Variants in NCAM2 observed in about 807,000 individuals in gnomAD.
NCAM2 encodes neural cell adhesion molecule 2.
Under a neutral mutation model 98.1 loss-of-function variants are expected in NCAM2, and 30 were observed. The ratio of observed to expected loss-of-function variants is 0.31; its 90% CI spans 0.23 to 0.41. The LOEUF is 0.41. Ranked by LOEUF, NCAM2 falls within the 10% of genes least tolerant of loss-of-function variation. The probability of loss-of-function intolerance (pLI) is 1.00; values close to 1 mark genes in which losing one functional copy is unlikely to be tolerated. For synonymous variants in NCAM2, 368 were observed against 342.4 expected, an observed-to-expected ratio of 1.07 and a Z score of -0.83; for missense variants, 867 against 1,005.8, an observed-to-expected ratio of 0.86 and a Z score of 1.87.
chr21:21,441,409 T>TA (rs771953481), intron 12 of NCAM2, among the ~76,000 whole-genome samples: 6 of 152,206 alleles, frequency 3.9e-5, no homozygotes, highest in Non-Finnish European at 8.8e-5. Context: ...AATATACATT[T>TA]AAAAAATCTA....
intron 2 of NCAM2, among the ~76,000 whole-genome samples, chr21:21,283,532 A>T (rs1482552330): frequency 6.6e-6 from 1 of 151,928 alleles, no homozygotes; most frequent in East Asian, 1.9e-4. Flanking sequence ...ATGCATTGAA[A>T]TTATCATATG....
chr21:21,157,536 A>G (rs1334897305), intron 1 of NCAM2, among the ~76,000 whole-genome samples: 2 of 152,194 alleles, frequency 1.3e-5, no homozygotes, highest in African/African-American at 4.8e-5. Flanking sequence ...AAGTAATCAT[A>G]TATCATCATC....
intron 1 of NCAM2, among the ~76,000 whole-genome samples, chr21:21,001,437 C>T (rs1245245598): frequency 6.6e-6 from 1 of 152,158 alleles, no homozygotes; most frequent in Admixed American, 6.5e-5. Flanking sequence ...AATTCTGTAA[C>T]TTTTGCAATT....
intron 9 of NCAM2, among the ~76,000 whole-genome samples, chr21:21,405,547 G>A (rs1822656): frequency 6.6e-6 from 1 of 152,100 alleles, no homozygotes; most frequent in African/African-American, 2.4e-5. Context: ...GAAGACGTTA[G>A]TAAGTATACT....
chr21:21,485,999 A>G (rs1986317265), intron 15 of NCAM2, among the ~76,000 whole-genome samples: 2 of 151,978 alleles, frequency 1.3e-5, no homozygotes, highest in Non-Finnish European at 2.9e-5. Flanking sequence ...CAACCCATCA[A>G]CCGATAAAAC....
At chr21:21,289,461 C>T (rs1300632019) in intron 4 of NCAM2, among the ~76,000 whole-genome samples, 2 of 151,726 alleles carry the variant, frequency 1.3e-5, no homozygotes, top group Admixed American at 6.6e-5. Context: ...AGATGCCTGC[C>T]AGGAGGAAAA....
intron 1 of NCAM2, chr21:21,147,074 G>GGCTGCCTTCTACTCCGGAACTC (rs1569074791): frequency 1.3e-6 from 1 of 784,978 alleles, no homozygotes; most frequent in Non-Finnish European, 1.5e-6. Context: ...CTCCGGAACT[G>GGCTGCCTTCTACTCCGGAACTC]ATACCCTTTG....
At chr21:21,382,989 C>G (rs772849931) in intron 9 of NCAM2, among the ~76,000 whole-genome samples, 2 of 152,038 alleles carry the variant, frequency 1.3e-5, no homozygotes, top group Admixed American at 6.6e-5. Flanking sequence ...CAAAGCTGCT[C>G]TAAAATAGTT....
At position 21,265,151 on chromosome 21, in the gene NCAM2, C is replaced by CATACATATATT. The variant is rs2072168463; in HGVS notation, c.56-15424_56-15423insCATATATTATA. ...TATATATACATATATAATATATATA[C>CATACATATATT]ATATATACTTATATATATTATATAT... On this transcript the variant is annotated intron_variant, in intron 1 of 17. Transcript: ENST00000400546. 3.6e-5 allele frequency among the ~76,000 whole-genome samples: 4 copies of CATACATATATT among 111,022 alleles called. No homozygotes were observed. The East Asian group carries it at 8.7e-4, about 24-fold the overall frequency. The allele number at this position is 111,022 out of a possible 152,430, so 72.8% of individuals were successfully genotyped here.
chr21:21,137,098 G>T (rs2067073347), intron 1 of NCAM2, among the ~76,000 whole-genome samples: 1 of 152,076 alleles, frequency 6.6e-6, no homozygotes, highest in South Asian at 2.1e-4. Context: ...ACCCACCTCA[G>T]ACTCCCAAAG....
chr21:21,018,256 A>G (rs1429875837), intron 1 of NCAM2, among the ~76,000 whole-genome samples: 1 of 152,232 alleles, frequency 6.6e-6, no homozygotes, highest in African/African-American at 2.4e-5. Flanking sequence ...ACAAGTATCC[A>G]TAATTGATGA....
intron 1 of NCAM2, among the ~76,000 whole-genome samples, chr21:21,114,755 A>T (rs1211186971): frequency 6.6e-6 from 1 of 152,126 alleles, no homozygotes; most frequent in African/African-American, 2.4e-5. Context: ...CCCCTTTAAC[A>T]TGAGTAATTC....
chr21:21,077,721 T>C (rs1262359748), intron 1 of NCAM2, among the ~76,000 whole-genome samples: 6 of 152,186 alleles, frequency 3.9e-5, no homozygotes, highest in Admixed American at 2.0e-4. Context: ...TGAACTTTCA[T>C]TGGCTCCATT....
intron 1 of NCAM2, among the ~76,000 whole-genome samples, chr21:21,256,102 C>T (rs2071659099): frequency 6.6e-6 from 1 of 152,104 alleles, no homozygotes; most frequent in African/African-American, 2.4e-5. Context: ...CGCCTGTAAT[C>T]CTAGCACTTT....
chr21:21,181,807 CA>C, intron 1 of NCAM2, among the ~76,000 whole-genome samples: 1 of 151,716 alleles, frequency 6.6e-6, no homozygotes, highest in Middle Eastern at 3.4e-3. Flanking sequence ...TTATCACCAT[CA>C]GACAGATCTT....
intron 1 of NCAM2, among the ~76,000 whole-genome samples, chr21:21,027,378 T>A (rs1161580891): frequency 6.6e-6 from 1 of 152,220 alleles, no homozygotes; most frequent in East Asian, 1.9e-4. Context: ...TTCATAGAGA[T>A]GAATAAAACA....
chr21:21,213,373 G>A (rs2069738604), intron 1 of NCAM2, among the ~76,000 whole-genome samples: 1 of 152,128 alleles, frequency 6.6e-6, no homozygotes, highest in African/African-American at 2.4e-5. Flanking sequence ...GTTTTAGATA[G>A]ATGATTCCCA....
At position 21,324,464 on chromosome 21, in the gene NCAM2, C is replaced by A; in HGVS notation, c.701C>A (p.Ala234Asp). 1 of 1,613,490 alleles carries A rather than the reference C, an allele frequency of 6.2e-7. No individual in the cohort carries two copies. The highest frequency in any genetic ancestry group is 8.5e-7 in the Non-Finnish European group (1 of 1,179,576). Residue 234 changes from alanine (A) to aspartate (D), a missense_variant, in exon 6 of 18, where the codon GCC becomes GAC. Physicochemically the swap from Ala to Asp is moderately radical, Grantham distance 126. This residue lies in a region of NCAM2 where 447 missense variants were observed against 495.7 expected (regional missense o/e 0.90). Coordinates refer to ENST00000400546, the MANE Select transcript of NCAM2 (RefSeq NM_004540.5). ...GAAGAAATGACATTTTCCTGCAGGG[C>A]CTCAGGCTCTCCAGAACCCGCCATC... ...RGEEMTFSCRASGSPEPAISW... is the reference protein window; with the variant it reads ...RGEEMTFSCRDSGSPEPAISW...
chr21:21,245,363 G>T (rs1292561768), intron 1 of NCAM2, among the ~76,000 whole-genome samples: 1 of 152,182 alleles, frequency 6.6e-6, no homozygotes. Flanking sequence ...GATTGCATAT[G>T]TGTTCGACCC....
Sources: allele counts gnomAD v4.1 joint callset (sites outside exome capture counted in the v4.1 genomes callset), GRCh38; gene constraint gnomAD v4.1.1; regional missense constraint gnomAD v4.1.1; transcripts MANE v1.5; gene names NCBI Gene and HGNC (gene_info 2026-07-23, HGNC 2026-07-21).